Variants in TKT observed in about 807,000 individuals in gnomAD.
TKT encodes epididymis luminal protein 107.
Under a neutral mutation model 63.9 loss-of-function variants are expected in TKT, and 47 were observed. The observed-to-expected ratio is 0.74, with a 90% CI of 0.58 to 0.94. TKT has a LOEUF of 0.94. Among genes scored for constraint, TKT ranks in the 40% least tolerant of loss-of-function variants. TKT has a pLI of 0.00. For synonymous variants in TKT, 338 were observed against 334.1 expected (o/e 1.01, Z -0.13); for missense variants, 721 against 846.2 (o/e 0.85, Z 1.84).
At chr3:53,236,370 A>G (rs1705035102) in intron 4 of TKT, among the ~76,000 whole-genome samples, 1 of 152,196 alleles carries the variant, frequency 6.6e-6, no homozygotes, top group Non-Finnish European at 1.5e-5. Flanking sequence ...TCCACATGCC[A>G]GCAGGCCAGG....
At chr3:53,241,856 T>C (rs1400950874) in intron 2 of TKT, 3 of 454,240 alleles carry the variant, frequency 6.6e-6, no homozygotes, top group Non-Finnish European at 1.2e-5. Flanking sequence ...GATGTTTCCG[T>C]AGTCCCCTAC....
chr3:53,228,226 G>T, intron 11 of TKT, 50 bp downstream of exon 11: 2 of 1,613,514 alleles, frequency 1.2e-6, no homozygotes, highest in South Asian at 2.2e-5. Flanking sequence ...AGTCACAGCA[G>T]GGAGGGTCCA....
chr3:53,248,356 G>C (rs880001574), intron 1 of TKT, among the ~76,000 whole-genome samples: 2 of 152,192 alleles, frequency 1.3e-5, no homozygotes, highest in African/African-American at 4.8e-5. Context: ...AAGAAATGAA[G>C]GGCTGGGCGT....
chr3:53,239,100 G>A (rs1487990990), intron 4 of TKT, among the ~76,000 whole-genome samples: 4 of 152,072 alleles, frequency 2.6e-5, no homozygotes, highest in Admixed American at 1.3e-4. Flanking sequence ...TTTTAAAAAC[G>A]GGAGTTTCCC....
chr3:53,236,807 G>A (rs550917979), intron 4 of TKT, among the ~76,000 whole-genome samples: 124 of 152,334 alleles, frequency 8.1e-4, no homozygotes, highest in African/African-American at 2.7e-3. Flanking sequence ...GTCAGAGGGC[G>A]TGCTGAGGTC....
At chr3:53,232,893 CCT>C in intron 6 of TKT, 1 of 457,672 alleles carries the variant, frequency 2.2e-6, no homozygotes. Flanking sequence ...CCACGACCTT[CCT>C]CTCACCCACA....
intron 10 of TKT, 49 bp from the exon 11 acceptor site, chr3:53,228,408 C>T: frequency 6.2e-7 from 1 of 1,600,182 alleles, no homozygotes. Flanking sequence ...GCACACCCAA[C>T]CTCAGAGACG....
Position 53,241,072 on chromosome 3 carries a change from C to T in TKT, c.339+60G>A, listed in dbSNP as rs1267453472. The T allele has an allele frequency of 7.0e-6, 10 of 1,420,176 alleles. No individual in the cohort carries two copies. In the African/African-American group the frequency reaches 1.3e-4, roughly 19 times the overall value. The allele number at this position is 1,420,176 out of a possible 1,614,324, so 88.0% of individuals were successfully genotyped here. On this transcript the variant is annotated intron_variant, in intron 3 of 13. Transcript: ENST00000462138. ...GTGGGCACCCCCTACCCCCGTCCCA[C>T]ATGTCTGGGAAATAGGAAGTGGAGG... is the stretch of plus-strand genomic sequence containing the variant.
In TKT at chr3:53,229,004, T is replaced by C. The variant is rs1704621578; in HGVS notation, c.1395+3A>G. 6.2e-7 allele frequency: 1 copy of C among 1,614,114 alleles called. No homozygotes were observed. Among genetic ancestry groups the C allele is most frequent in the Non-Finnish European group, 8.5e-7 (1 of 1,180,008 alleles). ...CAGGAGAAAGAACAGCCATGCAACC[T>C]ACCTTTGTATTGGCGGCTAGTTCCA... On this transcript the variant is annotated splice_donor_region_variant and intron_variant, in intron 10 of 13. Transcript: ENST00000462138.
rs75532359 is a variant in TKT, at chr3:53,233,663, T to C, written c.630-389A>G. 1,122 of 164,360 alleles carry C rather than the reference T, an allele frequency of 6.8e-3. 8 individuals are homozygous for C. Among genetic ancestry groups the C allele is most frequent in the Non-Finnish European group, 0.011 (808 of 75,976 alleles). 10.2% of individuals were successfully genotyped at this position (164,360 alleles called of 1,614,324 possible). ...TTGATGAATTTTTTGGCCCAATTCTTATTTGGGGAACACATTTGATCACTC... is the reference window on the plus strand; with the variant it reads ...TTGATGAATTTTTTGGCCCAATTCTCATTTGGGGAACACATTTGATCACTC... On this transcript the variant is annotated intron_variant, in intron 5 of 13. Transcript: ENST00000462138.
intron 10 of TKT, 22 bp from the exon 11 acceptor site, chr3:53,228,381 T>C (rs954994535): frequency 3.1e-6 from 5 of 1,613,170 alleles, no homozygotes; most frequent in Non-Finnish European, 4.2e-6. Flanking sequence ...ACAGATAAAC[T>C]GAGGATACAG....
intron 6 of TKT, chr3:53,232,841 T>G (rs975637754): frequency 5.3e-5 from 22 of 417,484 alleles, no homozygotes; most frequent in Non-Finnish European, 8.1e-5. Context: ...GCTGCAGCTC[T>G]GAAAGGCACC....
intron 3 of TKT, among the ~76,000 whole-genome samples, chr3:53,240,621 C>G (rs539703312): frequency 1.3e-5 from 2 of 152,374 alleles, no homozygotes; most frequent in African/African-American, 4.8e-5. Flanking sequence ...ACATCACCCA[C>G]TTCACAAAGT....
At chr3:53,244,495 C>T (rs782773926) in intron 1 of TKT, among the ~76,000 whole-genome samples, 1 of 152,210 alleles carries the variant, frequency 6.6e-6, no homozygotes, top group Non-Finnish European at 1.5e-5. Context: ...CAGCTCTTAT[C>T]TACAGGCAGG....
intron 1 of TKT, among the ~76,000 whole-genome samples, chr3:53,252,713 C>T (rs1705810747): frequency 6.6e-6 from 1 of 152,178 alleles, no homozygotes; most frequent in South Asian, 2.1e-4. Flanking sequence ...GAGCACCCTA[C>T]ATTTGTAAAT....
In TKT at chr3:53,227,053, C is replaced by T. The variant is rs1704531144; in HGVS notation, c.1574-175G>A. 19 of 730,628 alleles carry T rather than the reference C, an allele frequency of 2.6e-5. No individual in the cohort carries two copies. The South Asian group carries it at 3.6e-4, about 14-fold the overall frequency. The allele number at this position is 730,628 out of a possible 1,614,324, so 45.3% of individuals were successfully genotyped here. On this transcript the variant is annotated intron_variant, in intron 12 of 13. Transcript: ENST00000462138. ...CCTCGTTCCCATGGCTGAGCTCATG[C>T]TTGCCAACCCCTTGCACTGGGGCAT...
At chr3:53,247,119 G>T (rs1341479017) in intron 1 of TKT, among the ~76,000 whole-genome samples, 2 of 151,538 alleles carry the variant, frequency 1.3e-5, no homozygotes. Flanking sequence ...CACTTTGGGA[G>T]ACAGAGACAG....
chr3:53,231,825 G>T (rs963817933), intron 6 of TKT: 2 of 470,940 alleles, frequency 4.2e-6, no homozygotes, highest in Non-Finnish European at 7.5e-6. Context: ...GTGGGCAGGT[G>T]TGTGTTTCTG....
At position 53,232,924 on chromosome 3, in the gene TKT, TCTC is replaced by T. The variant is rs1212188305; in HGVS notation, c.748+229_748+231del. 12 of 504,544 alleles carry T rather than the reference TCTC, an allele frequency of 2.4e-5. No individual in the cohort carries two copies. The East Asian group carries it at 4.0e-4, about 17-fold the overall frequency. 31.3% of individuals were successfully genotyped at this position (504,544 alleles called of 1,614,324 possible). ...ACCCACAGACCCTCCAAGTCCCTCC[TCTC>T]CTCCTGCCTGTACATGCCCCCACCG... On this transcript the variant is annotated intron_variant, in intron 6 of 13. Coordinates refer to ENST00000462138, the MANE Select transcript of TKT (RefSeq NM_001064.4).
Sources: allele counts gnomAD v4.1 joint callset (sites outside exome capture counted in the v4.1 genomes callset), GRCh38; gene constraint gnomAD v4.1.1; transcripts MANE v1.5; gene names NCBI Gene and HGNC (gene_info 2026-07-23, HGNC 2026-07-21).